The following PKP2 variants were observed in gnomAD, a reference collection of about 807,000 sequenced individuals.
The protein encoded by PKP2 is plakophilin-2.
Under a neutral mutation model 83.4 loss-of-function variants are expected in PKP2, and 73 were observed. The observed-to-expected ratio is 0.88, with a 90% CI of 0.72 to 1.06. The LOEUF (loss-of-function observed/expected upper bound fraction) is 1.06, where lower values mean the gene tolerates loss of function less well. Ranked by LOEUF, PKP2 falls within the 50% of genes least tolerant of loss-of-function variation. The pLI is 0.00. For synonymous variants in PKP2, 409 were observed against 430.4 expected (o/e 0.95, Z 0.62); for missense variants, 966 against 1,065.4 (o/e 0.91, Z 1.30).
At chr12:32,853,593 GC>G in intron 4 of PKP2, among the ~76,000 whole-genome samples, 1 of 149,440 alleles carries the variant, frequency 6.7e-6, no homozygotes, top group East Asian at 2.0e-4. Context: ...TGCAATCTCC[GC>G]CCCCTGGGTT....
chr12:32,875,459 G>A (rs918079539), intron 3 of PKP2, among the ~76,000 whole-genome samples: 2 of 152,198 alleles, frequency 1.3e-5, no homozygotes, highest in African/African-American at 4.8e-5. Context: ...TGGTGGTGAT[G>A]AATGGCAGAG....
intron 10 of PKP2, among the ~76,000 whole-genome samples, chr12:32,798,491 C>A (rs1406818170): frequency 1.4e-5 from 2 of 147,406 alleles, no homozygotes; most frequent in Admixed American, 6.8e-5. Flanking sequence ...TTTTTTTGTA[C>A]TAACAAGAAA....
chr12:32,847,021 C>T (rs763340233), intron 5 of PKP2, among the ~76,000 whole-genome samples: 2 of 151,888 alleles, frequency 1.3e-5, no homozygotes, highest in Non-Finnish European at 2.9e-5. Context: ...ATGCTTTCAC[C>T]TCTTACGGAG....
chr12:32,831,952 T>C (rs535234245), intron 6 of PKP2, among the ~76,000 whole-genome samples: 1 of 152,342 alleles, frequency 6.6e-6, no homozygotes, highest in African/African-American at 2.4e-5. Context: ...TTTGTTTGCT[T>C]TAACAACTTA....
At chr12:32,847,437 T>A (rs1254745526) in intron 5 of PKP2, among the ~76,000 whole-genome samples, 1 of 152,210 alleles carries the variant, frequency 6.6e-6, no homozygotes. Context: ...TGGTTTCACA[T>A]GGCATCAACA....
chr12:32,849,717 G>C (rs1226839526), intron 5 of PKP2, among the ~76,000 whole-genome samples: 2 of 152,084 alleles, frequency 1.3e-5, no homozygotes, highest in East Asian at 3.8e-4. Flanking sequence ...TATCTGATTA[G>C]TCCATCTCTC....
chr12:32,819,949 T>G (rs1228506571), intron 9 of PKP2, among the ~76,000 whole-genome samples: 1 of 150,572 alleles, frequency 6.6e-6, no homozygotes, highest in Admixed American at 6.7e-5. Flanking sequence ...GCTTCTATAG[T>G]TTAGCAAAGT....
chr12:32,797,725 T>G (rs1039995162), intron 10 of PKP2, among the ~76,000 whole-genome samples: 2 of 151,600 alleles, frequency 1.3e-5, no homozygotes, highest in African/African-American at 2.4e-5. Context: ...CGGGCTAATT[T>G]TTTTGTATTT....
chr12:32,889,772 A>T (rs532158859), intron 1 of PKP2, among the ~76,000 whole-genome samples: 2 of 152,160 alleles, frequency 1.3e-5, no homozygotes, highest in African/African-American at 4.8e-5. Flanking sequence ...GAATGTAGGC[A>T]GACTTTTATT....
At position 32,840,748 on chromosome 12, in the gene PKP2, T is replaced by A. The variant is rs181067080; in HGVS notation, c.1556+280A>T. Among the ~76,000 whole-genome samples the A allele has an allele frequency of 3.1e-3, 476 of 152,252 alleles. 4 individuals are homozygous for A. Among genetic ancestry groups the A allele is most frequent in the Non-Finnish European group, 3.9e-3 (268 of 68,010 alleles). ...TAAATTCTTTCAGTTACCATCCAAA[T>A]AAAGTCTCTCAAAAAATAAACTGTG... On this transcript the variant is annotated intron_variant, in intron 6 of 12. Transcript: ENST00000340811.
At position 32,843,416 on chromosome 12, in the gene PKP2, C is replaced by T. The variant is rs1956618802; in HGVS notation, c.1379-2211G>A. The T allele has an allele frequency of 3.8e-6, 3 of 785,158 alleles. No homozygotes were observed. In the Admixed American group the frequency reaches 5.8e-5, roughly 15 times the overall value. 48.6% of individuals were successfully genotyped at this position (785,158 alleles called of 1,614,324 possible). A position where few individuals can be genotyped will look rare whatever the true frequency, so the allele number is the denominator to read the frequency against. ...GAACTATGTGGCAAACATCACCTCC[C>T]CTGAAATAAGAGCCTGTATAGTTAA... is the stretch of plus-strand genomic sequence containing the variant. On this transcript the variant is annotated intron_variant, in intron 5 of 12. Transcript: ENST00000340811.
chr12:32,832,783 T>C (rs1956511980), intron 6 of PKP2, among the ~76,000 whole-genome samples: 2 of 152,368 alleles, frequency 1.3e-5, no homozygotes, highest in African/African-American at 2.4e-5. Context: ...AGTTCTGGCC[T>C]CTTTTGGGGT....
Position 32,878,070 on chromosome 12 carries a change from C to T in PKP2, c.810G>A (p.Gln270=), listed in dbSNP as rs1956950487. ...NYLTAGLTVG[Q]VRPLVPLQPV... ...GCTGCAGGGGCACCAGCGGCCTGACCTGCCCGACAGTGAGCCCTGCCGTCA... is the reference window on the plus strand; with the variant it reads ...GCTGCAGGGGCACCAGCGGCCTGACTTGCCCGACAGTGAGCCCTGCCGTCA... The change falls in exon 3 of 13, where the codon CAG becomes CAA. Residue 270 remains glutamine (Q), a synonymous_variant. Coordinates refer to ENST00000340811, the MANE Select transcript of PKP2 (RefSeq NM_001005242.3). The T allele has an allele frequency of 6.2e-7, 1 of 1,613,982 alleles. No homozygotes were observed. The highest frequency in any genetic ancestry group is 1.3e-5 in the African/African-American group (1 of 74,946).
At chr12:32,880,293 G>A (rs776422020) in intron 1 of PKP2, among the ~76,000 whole-genome samples, 1 of 151,728 alleles carries the variant, frequency 6.6e-6, no homozygotes, top group Non-Finnish European at 1.5e-5. Context: ...CCAGCTACTC[G>A]GGAGGCTGAG....
chr12:32,826,708 C>A (rs1956445638), intron 6 of PKP2, among the ~76,000 whole-genome samples: 1 of 152,140 alleles, frequency 6.6e-6, no homozygotes, highest in Non-Finnish European at 1.5e-5. Flanking sequence ...AAAGAATGAT[C>A]ATTTCAACCA....
rs762915326 is a variant in PKP2, at chr12:32,822,521, A to G, written c.1785T>C (p.Thr595=). 6.2e-7 allele frequency: 1 copy of G among 1,614,118 alleles called. No individual in the cohort carries two copies. Among genetic ancestry groups the G allele is most frequent in the Admixed American group, 1.7e-5 (1 of 60,018 alleles). Residue 595 remains threonine, a synonymous_variant, in exon 8 of 13, where the codon ACT becomes ACC. Transcript: ENST00000340811. Reference sequence around the variant, plus strand: ...AACATCCAATACTTTTGTTGTTGTCAGTCTGGATATTCCGGTTTTGAATAT... The same window carrying G: ...AACATCCAATACTTTTGTTGTTGTCGGTCTGGATATTCCGGTTTTGAATAT... ...NIYIQNRNIQ[T]DNNKSIGCFG... is the part of the protein sequence containing the mutation.
At chr12:32,843,146 A>G (rs749983584) in intron 5 of PKP2, 2 of 440,428 alleles carry the variant, frequency 4.5e-6, no homozygotes. Context: ...CACCCGGCTA[A>G]TTTTTTTGTA....
chr12:32,824,423 T>G, intron 6 of PKP2: 1 of 454,306 alleles, frequency 2.2e-6, no homozygotes, highest in East Asian at 4.5e-5. Flanking sequence ...AAACATTATT[T>G]ACTTAATCTT....
At chr12:32,808,918 G>A (rs948166948) in intron 9 of PKP2, among the ~76,000 whole-genome samples, 3 of 152,188 alleles carry the variant, frequency 2.0e-5, no homozygotes, top group Non-Finnish European at 4.4e-5. Flanking sequence ...CCATCCCAGG[G>A]TGGGTACTGA....
Sources: gnomAD v4.1 joint callset for allele counts (sites outside exome capture counted in the v4.1 genomes callset) on GRCh38, gnomAD v4.1.1 for gene constraint, MANE v1.5 for transcripts, NCBI Gene and HGNC (gene_info 2026-07-23, HGNC 2026-07-21) for gene names.